Variants in KDM3B observed in about 807,000 individuals in gnomAD.
KDM3B encodes lysine-specific demethylase 3B.
Under a neutral mutation model 170.0 loss-of-function variants are expected in KDM3B, and 10 were observed. That is an observed-to-expected ratio of 0.06 (90% CI 0.04 to 0.10). The LOEUF is 0.10. KDM3B is among the 10% of genes least tolerant of loss of function. The pLI, the probability that KDM3B is intolerant of heterozygous loss-of-function variation, is 1.00. For missense variants in KDM3B, 1,394 were observed against 2,195.2 expected (o/e 0.64, Z 7.29); for synonymous variants, 831 against 834.8 (o/e 1.00, Z 0.08).
chr5:138,397,902 C>A, intron 9 of KDM3B: 1 of 247,598 alleles, frequency 4.0e-6, no homozygotes, highest in Non-Finnish European at 7.7e-6. Context: ...GTGTTTTTAT[C>A]TGGTCACATT....
chr5:138,358,975 G>A (rs375674822), intron 1 of KDM3B, among the ~76,000 whole-genome samples: 3 of 134,434 alleles, frequency 2.2e-5, no homozygotes, highest in Non-Finnish European at 3.1e-5. Context: ...TTCAGAGTGT[G>A]ATGTTCCCCT....
intron 2 of KDM3B, among the ~76,000 whole-genome samples, chr5:138,373,740 C>T (rs1045099503): frequency 1.3e-5 from 2 of 152,148 alleles, no homozygotes; most frequent in African/African-American, 4.8e-5. Flanking sequence ...CTGCTTCAGC[C>T]TCCCAAAGTG....
At chr5:138,425,056 A>T (rs1426893964) in intron 16 of KDM3B, among the ~76,000 whole-genome samples, 1 of 152,186 alleles carries the variant, frequency 6.6e-6, no homozygotes, top group Non-Finnish European at 1.5e-5. Flanking sequence ...TAGTTTAAAA[A>T]CTTTAGCAGG....
chr5:138,353,450 G>A (rs973334584), intron 1 of KDM3B, among the ~76,000 whole-genome samples: 2 of 152,244 alleles, frequency 1.3e-5, no homozygotes, highest in Admixed American at 1.3e-4. Flanking sequence ...AATGTGGGCA[G>A]TTATGGGAGG....
intron 3 of KDM3B, among the ~76,000 whole-genome samples, chr5:138,376,908 T>C (rs999646230): frequency 1.3e-5 from 2 of 152,142 alleles, no homozygotes; most frequent in Non-Finnish European, 2.9e-5. Flanking sequence ...TTTCAGAATT[T>C]AGGGAAATGT....
At chr5:138,410,744 G>A (rs962999451) in intron 11 of KDM3B, among the ~76,000 whole-genome samples, 1 of 152,238 alleles carries the variant, frequency 6.6e-6, no homozygotes, top group Non-Finnish European at 1.5e-5. Flanking sequence ...TGATAGGTAA[G>A]GTCACGTGGG....
At chr5:138,366,125 T>A (rs2126915112) in intron 1 of KDM3B, among the ~76,000 whole-genome samples, 1 of 152,276 alleles carries the variant, frequency 6.6e-6, no homozygotes, top group East Asian at 1.9e-4. Context: ...CAACTTGCTT[T>A]TTTCCCCTCA....
chr5:138,360,196 T>C (rs1761560681), intron 1 of KDM3B, among the ~76,000 whole-genome samples: 1 of 152,202 alleles, frequency 6.6e-6, no homozygotes, highest in African/African-American at 2.4e-5. Context: ...AATGGGAGTT[T>C]GTGGTTTTAA....
At chr5:138,424,523 C>T (rs1763346881) in intron 16 of KDM3B, among the ~76,000 whole-genome samples, 182 bp downstream of exon 16, 2 of 152,154 alleles carry the variant, frequency 1.3e-5, no homozygotes, top group South Asian at 4.1e-4. Flanking sequence ...CACTATAGCT[C>T]ACGCCTGTAA....
In KDM3B at chr5:138,352,887, C is replaced by T. The variant is rs942700667; in HGVS notation, c.92C>T (p.Ala31Val). 5 of 1,375,808 alleles carry T rather than the reference C, an allele frequency of 3.6e-6. No individual in the cohort carries two copies. The African/African-American group carries it at 7.6e-5, about 21-fold the overall frequency. The allele number at this position is 1,375,808 out of a possible 1,614,324, so 85.2% of individuals were successfully genotyped here. A position where few individuals can be genotyped will look rare whatever the true frequency, so the allele number is the denominator to read the frequency against. Residue 31 changes from alanine to valine, a missense_variant, in exon 1 of 24, where the codon GCG becomes GTG. Physicochemically the swap from Ala to Val is moderately conservative, Grantham distance 64. Around this residue, in one of 19 missense-constraint regions of KDM3B, gnomAD observed 99 missense variants for 97.5 expected, o/e 1.02. Coordinates refer to ENST00000314358, the MANE Select transcript of KDM3B (RefSeq NM_016604.4). ...AASASASAPA[A>V]AAASGDPGPA... ...TCAGCCTCGGCCTCGGCTCCCGCGGCGGCAGCGGCGAGCGGAGATCCGGGG... is the reference window on the plus strand; with the variant it reads ...TCAGCCTCGGCCTCGGCTCCCGCGGTGGCAGCGGCGAGCGGAGATCCGGGG...
intron 17 of KDM3B, 113 bp from the exon 18 acceptor site, chr5:138,426,862 C>CAA (rs60899302): frequency 7.3e-4 from 401 of 552,944 alleles, no homozygotes; most frequent in Non-Finnish European, 8.5e-4. Flanking sequence ...GACTCTGTCT[C>CAA]AAAAAAAAAA....
chr5:138,376,496 G>A (rs1408151575), intron 3 of KDM3B, among the ~76,000 whole-genome samples: 1 of 151,696 alleles, frequency 6.6e-6, no homozygotes, highest in East Asian at 2.0e-4. Context: ...TGAGGTCAGG[G>A]GATCGAGACC....
At chr5:138,362,062 G>A (rs551862410) in intron 1 of KDM3B, among the ~76,000 whole-genome samples, 36 of 152,288 alleles carry the variant, frequency 2.4e-4, no homozygotes, top group South Asian at 1.2e-3. Context: ...GCTCACGCCT[G>A]TAATCCCAGC....
chr5:138,422,909 T>C (rs1763308468), intron 15 of KDM3B, among the ~76,000 whole-genome samples: 1 of 152,340 alleles, frequency 6.6e-6, no homozygotes, highest in East Asian at 1.9e-4. Flanking sequence ...CTGAGCCCTC[T>C]ATACAATTTG....
intron 8 of KDM3B, among the ~76,000 whole-genome samples, 167 bp from the exon 9 acceptor site, chr5:138,393,004 G>A (rs1348300051): frequency 6.6e-6 from 1 of 152,170 alleles, no homozygotes; most frequent in Admixed American, 6.5e-5. Context: ...AAGCTTCTTT[G>A]CTCCTTGCTT....
At chr5:138,419,271 AATC>A (rs1763191094) in intron 14 of KDM3B, 39 bp downstream of exon 14, 7 of 1,576,466 alleles carry the variant, frequency 4.4e-6, no homozygotes, top group Non-Finnish European at 6.0e-6. Context: ...CTATGGTAGA[AATC>A]ATGAGTTTTT....
At chr5:138,377,615 G>T in intron 3 of KDM3B, 105 bp from the exon 4 acceptor site, 1 of 750,188 alleles carries the variant, frequency 1.3e-6, no homozygotes, top group Non-Finnish European at 2.3e-6. Context: ...GATATTGTTT[G>T]GCAAATGTTG....
chr5:138,397,570 G>C (rs1032338017), intron 9 of KDM3B, among the ~76,000 whole-genome samples: 1 of 152,016 alleles, frequency 6.6e-6, no homozygotes, highest in African/African-American at 2.4e-5. Context: ...GAGTGGTGTG[G>C]TTCATGCCTG....
At chr5:138,360,375 A>G (rs1164868226) in intron 1 of KDM3B, among the ~76,000 whole-genome samples, 1 of 152,134 alleles carries the variant, frequency 6.6e-6, no homozygotes, top group Non-Finnish European at 1.5e-5. Flanking sequence ...CATTAAGACT[A>G]TATACTGTTT....
Sources: gnomAD v4.1 joint callset for allele counts (sites outside exome capture counted in the v4.1 genomes callset) on GRCh38, gnomAD v4.1.1 for gene constraint, gnomAD v4.1.1 regional missense constraint, MANE v1.5 for transcripts, NCBI Gene and HGNC (gene_info 2026-07-23, HGNC 2026-07-21) for gene names.